The following FMN2 variants were observed in gnomAD, a reference collection of about 807,000 sequenced individuals.
FMN2 encodes the protein formin-2.
Under a neutral mutation model 142.3 loss-of-function variants are expected in FMN2, and 51 were observed. The ratio of observed to expected loss-of-function variants is 0.36; its 90% confidence interval spans 0.29 to 0.45. The LOEUF is 0.45. Among genes scored for constraint, FMN2 ranks in the 20% least tolerant of loss-of-function variants. The pLI is 1.00. For missense variants in FMN2, 1,936 were observed against 2,122.8 expected, an observed-to-expected ratio of 0.91 and a Z score of 1.73; for synonymous variants, 882 against 869.8, an observed-to-expected ratio of 1.01 and a Z score of -0.25.
At chr1:240,148,190 A>G (rs907919632) in intron 2 of FMN2, among the ~76,000 whole-genome samples, 3 of 150,974 alleles carry the variant, frequency 2.0e-5, no homozygotes, top group East Asian at 1.9e-4. Flanking sequence ...AGACAGAGAC[A>G]GGGACAGAGA....
intron 1 of FMN2, among the ~76,000 whole-genome samples, chr1:240,113,182 C>A (rs1661880888): frequency 6.6e-6 from 1 of 151,894 alleles, no homozygotes; most frequent in Non-Finnish European, 1.5e-5. Flanking sequence ...CTGGGGGATA[C>A]TGTGGTCATG....
At chr1:240,131,761 G>A (rs772021005) in intron 2 of FMN2, among the ~76,000 whole-genome samples, 13 of 152,092 alleles carry the variant, frequency 8.5e-5, no homozygotes, top group Non-Finnish European at 1.6e-4. Context: ...AAGGCACAGG[G>A]GTGCATGTGA....
chr1:240,410,162 G>A (rs1355978312), intron 15 of FMN2, among the ~76,000 whole-genome samples: 1 of 149,246 alleles, frequency 6.7e-6, no homozygotes. Context: ...ACATAAATCT[G>A]AAAAAAAAAA....
intron 16 of FMN2, among the ~76,000 whole-genome samples, chr1:240,452,689 A>C (rs1676102937): frequency 6.6e-6 from 1 of 152,226 alleles, no homozygotes; most frequent in Admixed American, 6.5e-5. Flanking sequence ...TGAAAAAGGT[A>C]GAAAAAATAG....
rs371507757 is a variant in FMN2, at chr1:240,188,200, A to G, written c.1931-7A>G. On this transcript the variant is annotated splice_polypyrimidine_tract_variant and splice_region_variant and intron_variant, in intron 3 of 17. Coordinates refer to ENST00000319653, the MANE Select transcript of FMN2 (RefSeq NM_020066.5). ...GATACTGACTGTCTGCTTCCTTTCC[A>G]ATCTAGAATCTCAATCTGCTGTTTC... 2 of 1,613,514 alleles carry G rather than the reference A, an allele frequency of 1.2e-6. No homozygotes were observed. The highest frequency in any genetic ancestry group is 2.7e-5 in the African/African-American group (2 of 74,894).
chr1:240,342,273 T>A (rs1671769149), intron 13 of FMN2, among the ~76,000 whole-genome samples: 1 of 152,240 alleles, frequency 6.6e-6, no homozygotes, highest in Non-Finnish European at 1.5e-5. Context: ...TTATAAGTTC[T>A]GTTTGACTGG....
intron 7 of FMN2, among the ~76,000 whole-genome samples, chr1:240,275,611 A>T (rs1365026483): frequency 6.6e-6 from 1 of 152,102 alleles, no homozygotes; most frequent in Non-Finnish European, 1.5e-5. Context: ...ATACCCAGTA[A>T]TGGGATTGCT....
chr1:240,454,352 G>A (rs1401282676), intron 16 of FMN2, among the ~76,000 whole-genome samples: 1 of 152,046 alleles, frequency 6.6e-6, no homozygotes, highest in Non-Finnish European at 1.5e-5. Flanking sequence ...GACCAGCCTG[G>A]CCAACATGGC....
At chr1:240,312,486 G>C (rs759177035) in intron 8 of FMN2, among the ~76,000 whole-genome samples, 2 of 152,166 alleles carry the variant, frequency 1.3e-5, no homozygotes, top group Non-Finnish European at 2.9e-5. Flanking sequence ...CTGATCTGAT[G>C]AAAGTTCTGT....
chr1:240,201,905 C>A (rs1219148324), intron 4 of FMN2, among the ~76,000 whole-genome samples: 1 of 152,136 alleles, frequency 6.6e-6, no homozygotes. Context: ...TCTAAGGTGA[C>A]ACTTTTCAAA....
chr1:240,156,044 C>G (rs912611210), intron 2 of FMN2, among the ~76,000 whole-genome samples: 1 of 151,952 alleles, frequency 6.6e-6, no homozygotes, highest in Non-Finnish European at 1.5e-5. Context: ...TTTGAAACCA[C>G]CTGAGGCAAC....
chr1:240,215,171 C>G (rs1360569316), intron 6 of FMN2, among the ~76,000 whole-genome samples: 1 of 152,120 alleles, frequency 6.6e-6, no homozygotes, highest in Non-Finnish European at 1.5e-5. Flanking sequence ...AATCTTCTAT[C>G]AAATAATGTC....
intron 2 of FMN2, chr1:240,170,217 T>C: frequency 7.9e-7 from 1 of 1,271,396 alleles, no homozygotes; most frequent in Non-Finnish European, 1.1e-6. Context: ...CCTGGGAGGC[T>C]GGAAAGCCTC....
chr1:240,465,710 A>T (rs1244248302), intron 16 of FMN2, among the ~76,000 whole-genome samples: 1 of 152,142 alleles, frequency 6.6e-6, no homozygotes, highest in African/African-American at 2.4e-5. Context: ...CAAGCTATTA[A>T]TGTTTAGTGG....
intron 8 of FMN2, among the ~76,000 whole-genome samples, chr1:240,315,094 C>G (rs745616958): frequency 6.6e-6 from 1 of 152,154 alleles, no homozygotes; most frequent in Non-Finnish European, 1.5e-5. Context: ...AACCTGATGC[C>G]ATAAATGTTC....
chr1:240,327,033 T>C (rs1473546034), intron 8 of FMN2, among the ~76,000 whole-genome samples: 1 of 152,208 alleles, frequency 6.6e-6, no homozygotes, highest in Non-Finnish European at 1.5e-5. Flanking sequence ...TGAGGCTGAC[T>C]CTCATAGGTA....
At chr1:240,152,113 C>G (rs1367955232) in intron 2 of FMN2, among the ~76,000 whole-genome samples, 1 of 151,950 alleles carries the variant, frequency 6.6e-6, no homozygotes, top group East Asian at 1.9e-4. Context: ...TAAATTAAAC[C>G]CTGCTATCAG....
At chr1:240,420,935 C>T (rs898518079) in intron 15 of FMN2, among the ~76,000 whole-genome samples, 1 of 152,194 alleles carries the variant, frequency 6.6e-6, no homozygotes, top group Non-Finnish European at 1.5e-5. Flanking sequence ...GAAGCTGGGA[C>T]AGCTGTTAGA....
chr1:240,469,969 T>G (rs184773769), intron 16 of FMN2, among the ~76,000 whole-genome samples: 22 of 152,332 alleles, frequency 1.4e-4, no homozygotes, highest in Non-Finnish European at 2.4e-4. Flanking sequence ...TTGTGGTCTC[T>G]GCCATAAGGA....
Sources: allele counts gnomAD v4.1 joint callset (sites outside exome capture counted in the v4.1 genomes callset), GRCh38; gene constraint gnomAD v4.1.1; transcripts MANE v1.5; gene names NCBI Gene and HGNC (gene_info 2026-07-23, HGNC 2026-07-21).